The following ADHFE1 variants were observed in gnomAD, a reference collection of about 807,000 sequenced individuals.
ADHFE1 encodes the protein alcohol dehydrogenase iron containing 1, also known as hydroxyacid-oxoacid transhydrogenase, mitochondrial.
A neutral mutation model predicts 54.8 loss-of-function variants in ADHFE1; 37 were observed. That is an observed-to-expected ratio of 0.68 (90% CI 0.52 to 0.89). The LOEUF (loss-of-function observed/expected upper bound fraction) is 0.89. ADHFE1 is among the 40% of genes least tolerant of loss of function. The pLI, the probability that ADHFE1 is intolerant of heterozygous loss-of-function variation, is 0.00. For missense variants in ADHFE1, 601 were observed against 591.2 expected (o/e 1.02, Z -0.17); for synonymous variants, 203 against 229.3 (o/e 0.89, Z 1.04).
At chr8:66,450,833 C>T (rs956848929) in intron 8 of ADHFE1, among the ~76,000 whole-genome samples, 1 of 152,212 alleles carries the variant, frequency 6.6e-6, no homozygotes, top group Non-Finnish European at 1.5e-5. Context: ...ACACATTCCC[C>T]GCTTAGAACC....
At chr8:66,449,913 G>GT (rs1415375122) in intron 8 of ADHFE1, among the ~76,000 whole-genome samples, 5 of 152,172 alleles carry the variant, frequency 3.3e-5, no homozygotes, top group Admixed American at 3.3e-4. Context: ...GAGGCCAGGA[G>GT]TTTGAGACCA....
At chr8:66,468,143 C>A in intron 13 of ADHFE1, 126 bp from the exon 14 acceptor site, 2 of 637,974 alleles carry the variant, frequency 3.1e-6, no homozygotes, top group South Asian at 1.9e-5. Context: ...CAAGAAATAC[C>A]GTTTTTAAAG....
chr8:66,446,311 C>T (rs1299221742), intron 6 of ADHFE1, among the ~76,000 whole-genome samples: 5 of 152,212 alleles, frequency 3.3e-5, no homozygotes, highest in Non-Finnish European at 7.3e-5. Flanking sequence ...CACAAAACCA[C>T]GGAGCCCAGC....
At chr8:66,450,581 G>A (rs141984438) in intron 8 of ADHFE1, among the ~76,000 whole-genome samples, 188 of 152,348 alleles carry the variant, frequency 1.2e-3, no homozygotes, top group African/African-American at 4.4e-3. Context: ...CCATCGGGAA[G>A]ACTCTGATGT....
At chr8:66,436,597 T>C (rs1805478987) in intron 1 of ADHFE1, among the ~76,000 whole-genome samples, 1 of 152,062 alleles carries the variant, frequency 6.6e-6, no homozygotes, top group African/African-American at 2.4e-5. Context: ...GGGAAAATGT[T>C]GCCACTTCAT....
chr8:66,451,406 G>C (rs1348073612), intron 8 of ADHFE1, among the ~76,000 whole-genome samples: 1 of 152,130 alleles, frequency 6.6e-6, no homozygotes, highest in Admixed American at 6.5e-5. Flanking sequence ...ATTTATCCCT[G>C]TCTTAGAGTC....
intron 1 of ADHFE1, among the ~76,000 whole-genome samples, chr8:66,438,685 G>C (rs746149): frequency 0.065 from 9,926 of 152,074 alleles, 520 homozygotes; most frequent in Admixed American, 0.16. Flanking sequence ...CCCGCCAGAG[G>C]GGGTAGGAGG....
In ADHFE1 at chr8:66,468,341, A is replaced by G; in HGVS notation, c.1393A>G (p.Lys465Glu). The part of the protein sequence containing the change: ...DLAALFEASM[K>E]LY ...GGCTGCTCTGTTTGAAGCTTCAATG[A>G]AACTGTATTAATTGTCATTTTAACT... Residue 465 changes from lysine (K) to glutamate (E), a missense_variant, in exon 14 of 14, where the codon AAA becomes GAA. By Grantham distance (56) the Lys-to-Glu change is moderately conservative. Coordinates refer to ENST00000396623, the MANE Select transcript of ADHFE1 (RefSeq NM_144650.3). The G allele has an allele frequency of 1.2e-6, 2 of 1,612,896 alleles. No individual in the cohort carries two copies. The highest frequency in any genetic ancestry group is 1.7e-6 in the Non-Finnish European group (2 of 1,179,296).
chr8:66,463,389 G>A (rs1485054482), intron 13 of ADHFE1, among the ~76,000 whole-genome samples: 1 of 152,076 alleles, frequency 6.6e-6, no homozygotes, highest in African/African-American at 2.4e-5. Context: ...TTTTCCTCAG[G>A]CTGTATTCAT....
chr8:66,455,739 G>A (rs1048206789), intron 10 of ADHFE1, among the ~76,000 whole-genome samples: 5 of 152,204 alleles, frequency 3.3e-5, no homozygotes, highest in African/African-American at 1.2e-4. Flanking sequence ...GGACAACATG[G>A]TGAAACCCCG....
At chr8:66,455,786 G>T (rs1355595542) in intron 10 of ADHFE1, among the ~76,000 whole-genome samples, 1 of 152,100 alleles carries the variant, frequency 6.6e-6, no homozygotes, top group Non-Finnish European at 1.5e-5. Flanking sequence ...AGCCAAGTGT[G>T]GTGGTGCATG....
At position 66,439,698 on chromosome 8, in the gene ADHFE1, A is replaced by G; in HGVS notation, c.60-464A>G. The G allele has an allele frequency of 1.0e-6, 1 of 988,006 alleles. No homozygotes were observed. The highest frequency in any genetic ancestry group is 1.2e-6 in the Non-Finnish European group (1 of 831,740). 61.2% of individuals were successfully genotyped at this position (988,006 alleles called of 1,614,324 possible). On this transcript the variant is annotated intron_variant, in intron 1 of 13. Transcript: ENST00000396623. This position sits in a 1 kb window ranked among gnomAD's most constrained non-coding sequence, Gnocchi z 4.4. ...CTCAGGTCTAGAGCCTGCCTGAAGA[A>G]AAATTAGACATCTTGAAGACACTGG... is the stretch of plus-strand genomic sequence containing the variant.
intron 13 of ADHFE1, among the ~76,000 whole-genome samples, chr8:66,463,469 A>G (rs1807011066): frequency 6.6e-6 from 1 of 152,194 alleles, no homozygotes; most frequent in African/African-American, 2.4e-5. Context: ...AAATATAGTT[A>G]ATTTTAATTA....
intron 12 of ADHFE1, among the ~76,000 whole-genome samples, chr8:66,457,408 G>A (rs555363310): frequency 6.6e-6 from 1 of 151,128 alleles, no homozygotes; most frequent in South Asian, 2.1e-4. Context: ...AGCCCAGGAA[G>A]TTGAGGCTGC....
intron 12 of ADHFE1, among the ~76,000 whole-genome samples, chr8:66,459,798 A>G (rs1269267847): frequency 2.8e-4 from 42 of 151,998 alleles, no homozygotes; most frequent in Admixed American, 2.8e-3. Context: ...CACATAATCC[A>G]TTTTTATCAT....
intron 3 of ADHFE1, 118 bp from the exon 4 acceptor site, chr8:66,444,249 C>A: frequency 1.1e-6 from 1 of 871,650 alleles, no homozygotes. Flanking sequence ...ACCTGGAAGA[C>A]CATGCTAAGG....
chr8:66,459,213 C>T (rs964781856), intron 12 of ADHFE1, among the ~76,000 whole-genome samples: 2 of 151,984 alleles, frequency 1.3e-5, no homozygotes, highest in African/African-American at 4.8e-5. Context: ...TATAATGCTA[C>T]ACTCTGTAGA....
rs756778589 is a variant in ADHFE1, at chr8:66,444,748, G to A, written c.353G>A (p.Ser118Asn). The A allele has an allele frequency of 1.9e-6, 3 of 1,613,712 alleles. No homozygotes were observed. In the East Asian group the frequency reaches 6.7e-5, roughly 36 times the overall value. ...GTGAGAGTGGAACCAACGGATTCAA[G>A]GTATTCTTGTATTGTTGTTATTGTT... ...DNVRVEPTDS[S>N]FMEAIEFAQK... The change falls in exon 5 of 14, where the codon AGC (serine) becomes AAC (asparagine). Residue 118 changes from serine (S) to asparagine (N), a missense_variant and splice_region_variant. By Grantham distance (46) the Ser-to-Asn change is conservative. Coordinates refer to ENST00000396623, the MANE Select transcript of ADHFE1 (RefSeq NM_144650.3).
chr8:66,444,708 A>C lies in ADHFE1; in HGVS notation c.313A>C (p.Thr105Pro). 6.2e-7 allele frequency: 1 copy of C among 1,614,122 alleles called. No homozygotes were observed. Among genetic ancestry groups the C allele is most frequent in the South Asian group, 1.1e-5 (1 of 91,074 alleles). Residue 105 changes from threonine (T) to proline (P), a missense_variant, in exon 5 of 14, where the codon ACG (threonine) becomes CCG (proline). Coordinates refer to ENST00000396623, the MANE Select transcript of ADHFE1 (RefSeq NM_144650.3). Reference sequence around the variant, plus strand: ...CCTAGTGAAGAATGGCATCCCCTTTACGGTTTATGATAATGTGAGAGTGGA... The same window carrying C: ...CCTAGTGAAGAATGGCATCCCCTTTCCGGTTTATGATAATGTGAGAGTGGA... The part of the protein sequence containing the change: ...DSLVKNGIPF[T>P]VYDNVRVEPT...
Sources: gnomAD v4.1 joint callset for allele counts (sites outside exome capture counted in the v4.1 genomes callset) on GRCh38, gnomAD v4.1.1 for gene constraint, Gnocchi (gnomAD v3.1) non-coding constraint, MANE v1.5 for transcripts, NCBI Gene and HGNC (gene_info 2026-07-23, HGNC 2026-07-21) for gene names.